CSTPP1: variants seen among roughly 807,000 people sequenced by gnomAD.
CSTPP1 encodes the protein centriolar satellite-associated tubulin polyglutamylase complex regulator 1.
the CSTPP1 span, among the ~76,000 whole-genome samples, chr11:47,086,340 C>A: frequency 1.3e-5 from 2 of 150,948 alleles, no homozygotes; most frequent in Non-Finnish European, 3.0e-5. Flanking sequence ...CGGGAGGCAG[C>A]GGTTACAGAG....
chr11:46,997,390 T>G, the CSTPP1 span, among the ~76,000 whole-genome samples: 1 of 152,250 alleles, frequency 6.6e-6, no homozygotes, highest in Non-Finnish European at 1.5e-5. Context: ...TCTTGTGCCA[T>G]GGTTTTCAGC....
At chr11:47,091,025 C>A in the CSTPP1 span, among the ~76,000 whole-genome samples, 1 of 120,068 alleles carries the variant, frequency 8.3e-6, no homozygotes, top group Non-Finnish European at 1.7e-5. Context: ...GGCAACAGAG[C>A]GAGACAGCGA....
At chr11:47,015,772 A>AT in the CSTPP1 span, among the ~76,000 whole-genome samples, 1 of 152,168 alleles carries the variant, frequency 6.6e-6, no homozygotes, top group Non-Finnish European at 1.5e-5. Context: ...CCAACAATAT[A>AT]TAAAAACCAT....
At chr11:47,006,862 G>A in the CSTPP1 span, among the ~76,000 whole-genome samples, 252 of 149,134 alleles carry the variant, frequency 1.7e-3, 1 homozygote, top group South Asian at 3.2e-3. Flanking sequence ...AAAGTGCTGG[G>A]ATTACAGACA....
chr11:47,157,075 C>A, the CSTPP1 span: 1 of 1,614,196 alleles, frequency 6.2e-7, no homozygotes, highest in Non-Finnish European at 8.5e-7. Flanking sequence ...CAGGCAAGAA[C>A]CCCAACACAG....
chr11:47,049,126 A>C, the CSTPP1 span, among the ~76,000 whole-genome samples: 1 of 151,552 alleles, frequency 6.6e-6, no homozygotes, highest in Non-Finnish European at 1.5e-5. Flanking sequence ...GCTGGGACCA[A>C]AGGCATGCAC....
At chr11:47,024,712 A>G in the CSTPP1 span, among the ~76,000 whole-genome samples, 1 of 152,126 alleles carries the variant, frequency 6.6e-6, no homozygotes, top group Non-Finnish European at 1.5e-5. Context: ...CCCTTGTTAA[A>G]TTTATGCTCT....
the CSTPP1 span, among the ~76,000 whole-genome samples, chr11:47,088,379 G>C: frequency 1.3e-5 from 2 of 152,038 alleles, no homozygotes; most frequent in Non-Finnish European, 2.9e-5. Context: ...GGTGTGGGTA[G>C]GACAAGATAA....
At chr11:47,096,319 C>T in the CSTPP1 span, among the ~76,000 whole-genome samples, 1 of 152,094 alleles carries the variant, frequency 6.6e-6, no homozygotes, top group Non-Finnish European at 1.5e-5. Context: ...AAACTGAAAC[C>T]GTACCCATTA....
the CSTPP1 span, chr11:46,947,957 G>A: frequency 1.4e-5 from 6 of 434,230 alleles, no homozygotes; most frequent in Non-Finnish European, 2.8e-5. Flanking sequence ...AATTAATGTG[G>A]CAGAACTCCT....
chr11:46,961,645 C>T, the CSTPP1 span, among the ~76,000 whole-genome samples: 2 of 152,026 alleles, frequency 1.3e-5, no homozygotes, highest in South Asian at 4.1e-4. Context: ...AAATGGTTAC[C>T]TAAACCAAGT....
chr11:47,125,643 C>G, the CSTPP1 span, among the ~76,000 whole-genome samples: 1 of 152,138 alleles, frequency 6.6e-6, no homozygotes, highest in Non-Finnish European at 1.5e-5. Flanking sequence ...GTGGCTTGCT[C>G]TCTTAAGTTC....
chr11:47,010,623 G>T, the CSTPP1 span, among the ~76,000 whole-genome samples: 1 of 152,100 alleles, frequency 6.6e-6, no homozygotes, highest in South Asian at 2.1e-4. Context: ...GTGAGACTTG[G>T]TTTCTGTTGC....
the CSTPP1 span, among the ~76,000 whole-genome samples, chr11:47,163,840 C>T: frequency 6.6e-6 from 1 of 152,072 alleles, no homozygotes; most frequent in Middle Eastern, 3.4e-3. Flanking sequence ...GAAATGGGGT[C>T]TCACCATGTT....
At chr11:46,971,900 A>AT in the CSTPP1 span, among the ~76,000 whole-genome samples, 1 of 152,356 alleles carries the variant, frequency 6.6e-6, no homozygotes, top group East Asian at 1.9e-4. Flanking sequence ...GTGAGCCGTG[A>AT]TTGTGCCACT....
the CSTPP1 span, among the ~76,000 whole-genome samples, chr11:47,034,822 A>T: frequency 6.6e-6 from 1 of 152,138 alleles, no homozygotes; most frequent in Non-Finnish European, 1.5e-5. Context: ...TCTTAATGGC[A>T]TCTGGAAACT....
At chr11:47,118,431 A>G in the CSTPP1 span, among the ~76,000 whole-genome samples, 1 of 152,136 alleles carries the variant, frequency 6.6e-6, no homozygotes. Context: ...GTTATTACCA[A>G]CCTTCTGACG....
chr11:47,161,654 C>T, the CSTPP1 span: 11 of 1,598,732 alleles, frequency 6.9e-6, no homozygotes, highest in Non-Finnish European at 9.4e-6. Flanking sequence ...CCAAAGGGTC[C>T]TGCCCACAGC....
At chr11:47,028,942 G>A in the CSTPP1 span, among the ~76,000 whole-genome samples, 10 of 151,852 alleles carry the variant, frequency 6.6e-5, no homozygotes, top group East Asian at 5.8e-4. Context: ...GGCTCAAGCC[G>A]TCTTCCCATC....
Sources: allele counts gnomAD v4.1 joint callset (sites outside exome capture counted in the v4.1 genomes callset), GRCh38; gene constraint gnomAD v4.1.1; transcripts MANE v1.5; gene names NCBI Gene and HGNC (gene_info 2026-07-23, HGNC 2026-07-21).